OPRM1: variants seen among roughly 807,000 people sequenced by gnomAD.
The protein encoded by OPRM1 is mu-type opioid receptor.
OPRM1 carries 27 observed loss-of-function variants against 31.8 expected under a neutral mutation model. The observed-to-expected ratio is 0.85, with a 90% CI of 0.63 to 1.17. The LOEUF (loss-of-function observed/expected upper bound fraction) is 1.17, where lower values mean the gene tolerates loss of function less well. Ranked by LOEUF, OPRM1 falls within the 50% of genes most tolerant of loss-of-function variation. OPRM1 has a pLI of 0.00. For synonymous variants in OPRM1, 196 were observed against 189.9 expected (o/e 1.03, Z -0.26); for missense variants, 536 against 511.1 (o/e 1.05, Z -0.47).
intron 1 of OPRM1, among the ~76,000 whole-genome samples, chr6:154,052,136 G>T (rs563450771): frequency 6.6e-6 from 1 of 152,150 alleles, no homozygotes; most frequent in Non-Finnish European, 1.5e-5. Context: ...ATGAGAACAC[G>T]TGGACACAGG....
Position 154,168,110 on chromosome 6 carries a change from T to C in OPRM1, c.1164+76638T>C. ...TTCATCATCTTCAGACACTTTTGTCTCTTCTATTTGAAAAAAAAAAAGAAA... is the reference window on the plus strand; with the variant it reads ...TTCATCATCTTCAGACACTTTTGTCCCTTCTATTTGAAAAAAAAAAAGAAA... On this transcript the variant is annotated intron_variant, in intron 3 of 3. Coordinates refer to the OPRM1 transcript ENST00000337049. The surrounding 1 kb of genome is among the most constrained non-coding windows in gnomAD (Gnocchi z 4.1). The C allele has an allele frequency of 6.5e-7, 1 of 1,528,120 alleles. No homozygotes were observed. The highest frequency in any genetic ancestry group is 8.8e-7 in the Non-Finnish European group (1 of 1,130,910). The allele number at this position is 1,528,120 out of a possible 1,614,324, so 94.7% of individuals were successfully genotyped here. A position where few individuals can be genotyped will look rare whatever the true frequency, so the allele number is the denominator to read the frequency against.
chr6:154,242,609 A>C (rs1193013165), intron 3 of OPRM1, among the ~76,000 whole-genome samples: 1 of 152,192 alleles, frequency 6.6e-6, no homozygotes, highest in Non-Finnish European at 1.5e-5. Context: ...AGTATAGGCC[A>C]AGTGCGGTGG....
At chr6:154,082,102 G>A (rs1305988072) in intron 1 of OPRM1, among the ~76,000 whole-genome samples, 1 of 152,200 alleles carries the variant, frequency 6.6e-6, no homozygotes, top group East Asian at 1.9e-4. Flanking sequence ...TAGTGAACTG[G>A]CACAGCAAAA....
Position 154,091,301 on chromosome 6 carries a change from C to G in OPRM1, c.993C>G (p.Ser331Arg), listed in dbSNP as rs200468658. ...GCATTGCTCTAGGTTACACAAACAG[C>G]TGCCTCAACCCAGTCCTTTATGCAT... is the stretch of plus-strand genomic sequence containing the variant. ...HFCIALGYTN[S>R]CLNPVLYAFL... Residue 331 changes from serine to arginine, a missense_variant, in exon 3 of 4, where the codon AGC (serine) becomes AGG (arginine). Transcript: ENST00000330432. 136 of 1,614,202 alleles carry G rather than the reference C, an allele frequency of 8.4e-5. No homozygotes were observed. The highest frequency in any genetic ancestry group is 1.0e-4 in the Non-Finnish European group (119 of 1,180,036).
intron 3 of OPRM1, among the ~76,000 whole-genome samples, chr6:154,216,585 G>A (rs1170617322): frequency 3.9e-5 from 6 of 152,150 alleles, no homozygotes; most frequent in African/African-American, 1.4e-4. Context: ...TGTTTAAAGT[G>A]ATGGCCGGGC....
At chr6:154,017,806 C>A (rs1562369831) in intron 1 of OPRM1, among the ~76,000 whole-genome samples, 1 of 152,118 alleles carries the variant, frequency 6.6e-6, no homozygotes, top group African/African-American at 2.4e-5. Flanking sequence ...TAAAATAATT[C>A]CTGCTCAATC....
In OPRM1 at chr6:154,168,188, G is replaced by A; in HGVS notation, c.1164+76716G>A. 4 of 1,138,452 alleles carry A rather than the reference G, an allele frequency of 3.5e-6. No individual in the cohort carries two copies. Among genetic ancestry groups the A allele is most frequent in the Non-Finnish European group, 4.9e-6 (4 of 815,060 alleles). The allele number at this position is 1,138,452 out of a possible 1,614,324, so 70.5% of individuals were successfully genotyped here. On this transcript the variant is annotated intron_variant, in intron 3 of 3. Coordinates refer to the OPRM1 transcript ENST00000337049. This position sits in a 1 kb window ranked among gnomAD's most constrained non-coding sequence, Gnocchi z 4.1. ...CAAGGAGAGAACATTCAATACTGTGGTCCCAAGGCACGGCCCCACTGGCAC... is the reference window on the plus strand; with the variant it reads ...CAAGGAGAGAACATTCAATACTGTGATCCCAAGGCACGGCCCCACTGGCAC...
chr6:154,062,058 A>G lies in OPRM1; in HGVS notation c.290+22224A>G, dbSNP rs1784535881. Among the ~76,000 whole-genome samples, 6 of 152,198 alleles carry G rather than the reference A, an allele frequency of 3.9e-5. No homozygotes were observed. In the South Asian group the frequency reaches 1.2e-3, roughly 31 times the overall value. On this transcript the variant is annotated intron_variant, in intron 1 of 3. Transcript: ENST00000330432. ...ACGAAGTTAGAGTATTAAATATAACAAAATGTTCCCAGAGTTTGGCTGTAC... is the reference window on the plus strand; with the variant it reads ...ACGAAGTTAGAGTATTAAATATAACGAAATGTTCCCAGAGTTTGGCTGTAC...
chr6:154,044,179 A>T (rs909164927), intron 1 of OPRM1, among the ~76,000 whole-genome samples: 1 of 152,118 alleles, frequency 6.6e-6, no homozygotes, highest in African/African-American at 2.4e-5. Flanking sequence ...TCTGCTCCTA[A>T]TACCCTCCTG....
intron 3 of OPRM1, among the ~76,000 whole-genome samples, chr6:154,096,802 C>T (rs1263664812): frequency 6.6e-6 from 1 of 152,180 alleles, no homozygotes; most frequent in Non-Finnish European, 1.5e-5. Context: ...CTACTTTGCA[C>T]TCAATTATTA....
chr6:154,016,287 A>G (rs578214185), intron 1 of OPRM1, among the ~76,000 whole-genome samples: 10 of 152,284 alleles, frequency 6.6e-5, no homozygotes, highest in Non-Finnish European at 8.8e-5. Flanking sequence ...GCAGTGAAAT[A>G]TGTCTCTGCA....
intron 3 of OPRM1, among the ~76,000 whole-genome samples, chr6:154,140,568 G>A (rs1186189426): frequency 6.6e-6 from 1 of 152,212 alleles, no homozygotes; most frequent in East Asian, 1.9e-4. Context: ...GACTTCAGGT[G>A]ATCCGCCCGC....
chr6:154,198,631 TACACACACACAC>T (rs3070838), intron 3 of OPRM1, among the ~76,000 whole-genome samples: 9 of 146,698 alleles, frequency 6.1e-5, no homozygotes, highest in Admixed American at 2.8e-4. Context: ...AAATATTACA[TACACACACACAC>T]ACACACACAC....
chr6:154,151,252 A>G (rs551693393), intron 3 of OPRM1, among the ~76,000 whole-genome samples: 1 of 152,298 alleles, frequency 6.6e-6, no homozygotes, highest in East Asian at 1.9e-4. Flanking sequence ...TGATTTATTG[A>G]AGGAATGCTT....
At chr6:154,179,029 G>C (rs17085137) in intron 3 of OPRM1, among the ~76,000 whole-genome samples, 2 of 152,296 alleles carry the variant, frequency 1.3e-5, no homozygotes, top group East Asian at 1.9e-4. Context: ...GGGATGCACT[G>C]TGCCCCAGGT....
intron 3 of OPRM1, among the ~76,000 whole-genome samples, chr6:154,099,090 G>A (rs1358074935): frequency 6.6e-6 from 1 of 152,024 alleles, no homozygotes; most frequent in Non-Finnish European, 1.5e-5. Flanking sequence ...GACCAGCCTG[G>A]GCAACCTGAC....
intron 3 of OPRM1, chr6:154,221,369 T>C (rs749025200): frequency 4.6e-6 from 7 of 1,518,472 alleles, no homozygotes; most frequent in South Asian, 2.3e-5. Context: ...AAATTAGTGT[T>C]TATAGTCAAC....
intron 3 of OPRM1, among the ~76,000 whole-genome samples, chr6:154,214,033 C>T (rs1778182936): frequency 6.6e-6 from 1 of 152,186 alleles, no homozygotes; most frequent in Admixed American, 6.5e-5. Flanking sequence ...GCATGGGAAG[C>T]TCTATTCCAT....
At position 154,055,308 on chromosome 6, in the gene OPRM1, A is replaced by C. The variant is rs538563244; in HGVS notation, c.290+15474A>C. 2.6e-5 allele frequency among the ~76,000 whole-genome samples: 4 copies of C among 152,292 alleles called. No individual in the cohort carries two copies. The East Asian group carries it at 7.7e-4, about 29-fold the overall frequency. ...GAGGCTGAGGCAGGAGAATCGCTTG[A>C]ACCTGAGAGGTGAAGGTTGCAGTGT... is the stretch of plus-strand genomic sequence containing the variant. On this transcript the variant is annotated intron_variant, in intron 1 of 3. Coordinates refer to ENST00000330432, the MANE Select transcript of OPRM1 (RefSeq NM_000914.5).
Sources: gnomAD v4.1 joint callset for allele counts (sites outside exome capture counted in the v4.1 genomes callset) on GRCh38, gnomAD v4.1.1 for gene constraint, Gnocchi (gnomAD v3.1) non-coding constraint, MANE v1.5 for transcripts, NCBI Gene and HGNC (gene_info 2026-07-23, HGNC 2026-07-21) for gene names.